Variants in GCSAML observed in about 807,000 individuals in gnomAD.
GCSAML encodes the protein germinal center associated signaling and motility like, also known as germinal center-associated signaling and motility-like protein.
A neutral mutation model predicts 13.0 loss-of-function variants in GCSAML; 9 were observed. The observed-to-expected ratio is 0.69, with a 90% confidence interval of 0.42 to 1.21. The LOEUF is 1.21. Ranked by LOEUF, GCSAML falls within the 50% of genes most tolerant of loss-of-function variation. The pLI is 0.00. For synonymous variants in GCSAML, 37 were observed against 52.9 expected, an observed-to-expected ratio of 0.70 and a Z score of 1.31; for missense variants, 143 against 153.4, an observed-to-expected ratio of 0.93 and a Z score of 0.36.
chr1:247,572,638 C>T (rs988411736), intron 4 of GCSAML, among the ~76,000 whole-genome samples: 9 of 152,314 alleles, frequency 5.9e-5, no homozygotes, highest in South Asian at 4.1e-4. Context: ...AGGTGTCTGT[C>T]GATCCCTGTT....
chr1:247,554,489 C>G (rs1194025101), intron 1 of GCSAML, among the ~76,000 whole-genome samples: 1 of 151,918 alleles, frequency 6.6e-6, no homozygotes, highest in African/African-American at 2.4e-5. Flanking sequence ...TTTTCTTCTC[C>G]CAACTTCTTA....
chr1:247,530,040 T>G (rs1055525180), intron 2 of GCSAML: 6 of 150,732 alleles, frequency 4.0e-5, no homozygotes, highest in Admixed American at 1.3e-4. Flanking sequence ...CCCCTCAGGG[T>G]GTGTGTGTGT....
intron 4 of GCSAML, among the ~76,000 whole-genome samples, chr1:247,566,764 T>C (rs532323266): frequency 2.0e-5 from 3 of 152,304 alleles, no homozygotes; most frequent in Non-Finnish European, 1.5e-5. Context: ...AAAATTTTGT[T>C]GATTTAATTA....
intron 1 of GCSAML, among the ~76,000 whole-genome samples, chr1:247,520,155 C>CTACTTA (rs1666362675): frequency 6.6e-6 from 1 of 152,204 alleles, no homozygotes; most frequent in Non-Finnish European, 1.5e-5. Context: ...TTTCCATGAA[C>CTACTTA]TACTTAGTTC....
chr1:247,561,911 G>C (rs867592461), intron 2 of GCSAML, among the ~76,000 whole-genome samples: 25 of 152,106 alleles, frequency 1.6e-4, no homozygotes, highest in African/African-American at 6.0e-4. Flanking sequence ...ACATCCACAC[G>C]GAGGGTTGCA....
chr1:247,531,619 A>T, intron 2 of GCSAML: 2 of 1,613,936 alleles, frequency 1.2e-6, no homozygotes, highest in South Asian at 2.2e-5. Flanking sequence ...GGCGCTCTTC[A>T]CCTCCGTGTT....
At chr1:247,529,655 A>G (rs574556583) in intron 2 of GCSAML, 1 of 151,288 alleles carries the variant, frequency 6.6e-6, no homozygotes, top group African/African-American at 2.4e-5. Flanking sequence ...TTACATATCA[A>G]CTTGGTTGGA....
intron 2 of GCSAML, among the ~76,000 whole-genome samples, chr1:247,534,155 A>G (rs908319557): frequency 3.9e-5 from 6 of 152,158 alleles, no homozygotes; most frequent in African/African-American, 1.4e-4. Context: ...ATAAGGTGAT[A>G]ATCTTATAAC....
chr1:247,509,004 C>G (rs1047348899), intron 1 of GCSAML, among the ~76,000 whole-genome samples: 4 of 151,996 alleles, frequency 2.6e-5, no homozygotes, highest in Admixed American at 6.6e-5. Context: ...TTGGTTCCAT[C>G]TGAATTTTAA....
chr1:247,561,483 C>T (rs1238148896), intron 2 of GCSAML, among the ~76,000 whole-genome samples: 1 of 152,056 alleles, frequency 6.6e-6, no homozygotes, highest in South Asian at 2.1e-4. Context: ...CTATCAAATA[C>T]TAGGAGTTAT....
intron 2 of GCSAML, among the ~76,000 whole-genome samples, chr1:247,538,458 A>G (rs1332795144): frequency 1.3e-5 from 2 of 152,200 alleles, no homozygotes; most frequent in African/African-American, 2.4e-5. Flanking sequence ...GGTGTTATGA[A>G]CTGAATTGTG....
chr1:247,532,157 T>C (rs762917836), intron 2 of GCSAML: 3 of 1,613,132 alleles, frequency 1.9e-6, no homozygotes, highest in African/African-American at 2.7e-5. Flanking sequence ...TCATAGGACA[T>C]GGTGGCCAGC....
At chr1:247,571,959 T>A (rs1271900420) in intron 4 of GCSAML, among the ~76,000 whole-genome samples, 1 of 152,210 alleles carries the variant, frequency 6.6e-6, no homozygotes, top group Non-Finnish European at 1.5e-5. Flanking sequence ...GTTGATCTTC[T>A]ATGTCTGACA....
chr1:247,531,926 T>C (rs747444615), intron 2 of GCSAML: 2 of 1,614,092 alleles, frequency 1.2e-6, no homozygotes, highest in Admixed American at 1.7e-5. Flanking sequence ...TCCATCTCAT[T>C]GAGGCTGGTA....
At chr1:247,565,336 C>T (rs1320918325) in intron 3 of GCSAML, among the ~76,000 whole-genome samples, 3 of 149,326 alleles carry the variant, frequency 2.0e-5, no homozygotes, top group East Asian at 3.9e-4. Flanking sequence ...CCAGTCTGGG[C>T]GACAGAGCGA....
intron 1 of GCSAML, chr1:247,524,794 A>G (rs538569786): frequency 6.6e-6 from 1 of 152,320 alleles, no homozygotes; most frequent in African/African-American, 2.4e-5. Context: ...AAACGATTCA[A>G]CACTTATATG....
intron 4 of GCSAML, among the ~76,000 whole-genome samples, chr1:247,573,622 C>A (rs12723950): frequency 0.15 from 22,400 of 152,190 alleles, 2,232 homozygotes; most frequent in Middle Eastern, 0.23. Flanking sequence ...CAGACTGGAG[C>A]TGTTCCTATT....
chr1:247,536,671 T>C (rs1217497645), intron 2 of GCSAML, among the ~76,000 whole-genome samples: 1 of 152,196 alleles, frequency 6.6e-6, no homozygotes. Flanking sequence ...TCTTTCCCTA[T>C]TGGATAATTA....
intron 1 of GCSAML, among the ~76,000 whole-genome samples, chr1:247,555,658 C>T (rs1349441653): frequency 6.6e-6 from 1 of 152,106 alleles, no homozygotes; most frequent in African/African-American, 2.4e-5. Flanking sequence ...TACCTAGAAG[C>T]AGAAGGATAG....
Sources: gnomAD v4.1 joint callset for allele counts (sites outside exome capture counted in the v4.1 genomes callset) on GRCh38, gnomAD v4.1.1 for gene constraint, MANE v1.5 for transcripts, NCBI Gene and HGNC (gene_info 2026-07-23, HGNC 2026-07-21) for gene names.